The following PGRMC2 variants were observed in gnomAD, a reference collection of about 807,000 sequenced individuals.
PGRMC2 encodes membrane-associated progesterone receptor component 2.
Under a neutral mutation model 19.3 loss-of-function variants are expected in PGRMC2, and 9 were observed. The ratio of observed to expected loss-of-function variants is 0.47; its 90% confidence interval spans 0.28 to 0.81. PGRMC2 has a LOEUF of 0.81. PGRMC2 is among the 40% of genes least tolerant of loss of function. The pLI is 0.11. For missense variants in PGRMC2, 289 were observed against 297.3 expected, an observed-to-expected ratio of 0.97 and a Z score of 0.21; for synonymous variants, 157 against 124.6, an observed-to-expected ratio of 1.26 and a Z score of -1.73.
chr4:128,280,352 G>GAA (rs747302016), intron 1 of PGRMC2, among the ~76,000 whole-genome samples: 1,583 of 60,096 alleles, frequency 0.026, 165 homozygotes, highest in African/African-American at 0.061. Flanking sequence ...AAATTTTCTG[G>GAA]GAAAAAAAAA....
At chr4:128,280,193 G>GCA (rs1760886482) in intron 1 of PGRMC2, among the ~76,000 whole-genome samples, 1 of 151,660 alleles carries the variant, frequency 6.6e-6, no homozygotes, top group African/African-American at 2.4e-5. Context: ...GCAGATTAAA[G>GCA]AACTAAAGTA....
At chr4:128,281,568 A>G (rs1482132857) in intron 1 of PGRMC2, among the ~76,000 whole-genome samples, 1 of 152,238 alleles carries the variant, frequency 6.6e-6, no homozygotes, top group East Asian at 1.9e-4. Flanking sequence ...AGAAATCACA[A>G]AATAAGATGA....
intron 1 of PGRMC2, among the ~76,000 whole-genome samples, chr4:128,285,275 C>T (rs937358403): frequency 6.6e-6 from 1 of 152,106 alleles, no homozygotes; most frequent in African/African-American, 2.4e-5. Flanking sequence ...TACAGGCACC[C>T]GCCACCACGT....
intron 1 of PGRMC2, among the ~76,000 whole-genome samples, chr4:128,279,113 C>T (rs1177017775): frequency 6.6e-6 from 1 of 151,784 alleles, no homozygotes; most frequent in Non-Finnish European, 1.5e-5. Context: ...GAGGCTGAGG[C>T]AGGAGAATCG....
chr4:128,280,352 GGAAA>G (rs1423789017), intron 1 of PGRMC2, among the ~76,000 whole-genome samples: 23 of 60,536 alleles, frequency 3.8e-4, no homozygotes, highest in African/African-American at 1.4e-3. Context: ...AAATTTTCTG[GGAAA>G]AAAAAAAAAA....
rs570498631 is a variant in PGRMC2 at position 128,270,799 on chromosome 4, T to A, written c.*517A>T. 23 of 152,322 alleles carry A rather than the reference T, an allele frequency of 1.5e-4. No homozygotes were observed. The highest frequency in any genetic ancestry group is 5.5e-4 in the African/African-American group (23 of 41,584). The allele number at this position is 152,322 out of a possible 1,614,324, so 9.4% of individuals were successfully genotyped here. ...AAGAAAAGTTTGGGAATTCACATTT[T>A]AATGTTTCAGTAGCCTGAACAACTC... On this transcript the variant is annotated 3_prime_UTR_variant, in exon 3 of 3. Transcript: ENST00000296425.
intron 1 of PGRMC2, among the ~76,000 whole-genome samples, chr4:128,284,416 A>C (rs1412536468): frequency 3.3e-5 from 5 of 152,194 alleles, no homozygotes; most frequent in African/African-American, 1.2e-4. Context: ...GTGCTTAACG[A>C]ATCTGGTTTT....
At chr4:128,273,287 T>C (rs41298565) in intron 1 of PGRMC2, among the ~76,000 whole-genome samples, 8 of 152,254 alleles carry the variant, frequency 5.3e-5, no homozygotes, top group African/African-American at 1.7e-4. Flanking sequence ...ATAATTAGCA[T>C]TTTATCCAAG....
At chr4:128,275,152 A>G (rs1382721686) in intron 1 of PGRMC2, among the ~76,000 whole-genome samples, 4 of 152,244 alleles carry the variant, frequency 2.6e-5, no homozygotes, top group African/African-American at 7.2e-5. Flanking sequence ...AAAATGGAAG[A>G]GAATTAACAA....
At chr4:128,272,278 T>C (rs1760741769) in intron 2 of PGRMC2, 84 bp downstream of exon 2, 1 of 795,044 alleles carries the variant, frequency 1.3e-6, no homozygotes, top group South Asian at 3.8e-5. Flanking sequence ...ATGACATCCT[T>C]AGGCTCTTAA....
chr4:128,287,362 CA>C lies in PGRMC2; in HGVS notation c.418+10del. The C allele has an allele frequency of 6.3e-7, 1 of 1,588,954 alleles. No homozygotes were observed. Among genetic ancestry groups the C allele is most frequent in the Non-Finnish European group, 8.6e-7 (1 of 1,162,966 alleles). On this transcript the variant is annotated intron_variant, in intron 1 of 2. Coordinates refer to ENST00000296425, the MANE Select transcript of PGRMC2 (RefSeq NM_006320.6). The stretch of plus-strand genomic sequence containing the variant: ...GCAGGGGGTCCTTCCCCTCCCCTTC[CA>C]ACTCCTCACCCGGGCCGTAGAACTT...
chr4:128,284,788 G>A lies in PGRMC2; in HGVS notation c.418+2585C>T, dbSNP rs894458285. Among the ~76,000 whole-genome samples, 4 of 152,234 alleles carry A rather than the reference G, an allele frequency of 2.6e-5. No homozygotes were observed. The East Asian group carries it at 7.7e-4, about 29-fold the overall frequency. On this transcript the variant is annotated intron_variant, in intron 1 of 2. Transcript: ENST00000296425. ...ATGAGGATGAAAATAAAAATTAAAA[G>A]CAAAACTGAACTTGTATCTGTTTTA...
chr4:128,271,903 A>T (rs1046153311), intron 2 of PGRMC2, among the ~76,000 whole-genome samples: 2 of 152,214 alleles, frequency 1.3e-5, no homozygotes, highest in African/African-American at 2.4e-5. Context: ...ATTTTGGAAT[A>T]AATTATAGTA....
intron 1 of PGRMC2, among the ~76,000 whole-genome samples, chr4:128,286,161 C>G (rs1156308836): frequency 6.6e-6 from 1 of 150,982 alleles, no homozygotes; most frequent in Non-Finnish European, 1.5e-5. Context: ...TACTTCCAGA[C>G]TGCCAACCCT....
At chr4:128,271,826 T>C (rs1384569036) in intron 2 of PGRMC2, among the ~76,000 whole-genome samples, 2 of 152,228 alleles carry the variant, frequency 1.3e-5, no homozygotes, top group African/African-American at 2.4e-5. Flanking sequence ...AAACTGATGT[T>C]ATGAGGGCAT....
intron 1 of PGRMC2, among the ~76,000 whole-genome samples, chr4:128,276,532 A>G (rs995451610): frequency 5.9e-5 from 9 of 152,110 alleles, no homozygotes; most frequent in African/African-American, 2.2e-4. Context: ...TATGGTGGAC[A>G]GGCTGGTCTT....
chr4:128,274,537 A>AAAAAAAAAAAAAAAAG (rs137964198), intron 1 of PGRMC2, among the ~76,000 whole-genome samples: 1 of 128,222 alleles, frequency 7.8e-6, no homozygotes. Flanking sequence ...AAAAAAAAAA[A>AAAAAAAAAAAAAAAAG]GGTATTAACC....
intron 1 of PGRMC2, among the ~76,000 whole-genome samples, chr4:128,287,107 G>A (rs1760995337): frequency 6.6e-6 from 1 of 152,058 alleles, no homozygotes; most frequent in Non-Finnish European, 1.5e-5. Flanking sequence ...GAAATGGGAT[G>A]GAAGAAAGAT....
chr4:128,280,332 A>T, intron 1 of PGRMC2, among the ~76,000 whole-genome samples: 1 of 148,182 alleles, frequency 6.7e-6, no homozygotes, highest in Non-Finnish European at 1.5e-5. Context: ...AAGAGGCAAT[A>T]AGTAACAGCA....
Sources: allele counts gnomAD v4.1 joint callset (sites outside exome capture counted in the v4.1 genomes callset), GRCh38; gene constraint gnomAD v4.1.1; transcripts MANE v1.5; gene names NCBI Gene and HGNC (gene_info 2026-07-23, HGNC 2026-07-21).